KCNC4: variants seen among roughly 807,000 people sequenced by gnomAD.
KCNC4 encodes the protein potassium voltage-gated channel subfamily C member 4, also known as voltage-gated potassium channel KCNC4.
Under a neutral mutation model 42.8 loss-of-function variants are expected in KCNC4, and 23 were observed. The observed-to-expected ratio is 0.54, with a 90% CI of 0.39 to 0.76. The LOEUF is 0.76. Ranked by LOEUF, KCNC4 falls within the 30% of genes least tolerant of loss-of-function variation. KCNC4 has a pLI of 0.00. For missense variants in KCNC4, 751 were observed against 898.2 expected, an observed-to-expected ratio of 0.84 and a Z score of 2.10; for synonymous variants, 422 against 393.5, an observed-to-expected ratio of 1.07 and a Z score of -0.86.
intron 1 of KCNC4, among the ~76,000 whole-genome samples, chr1:110,266,162 G>A (rs560666229): frequency 6.6e-5 from 10 of 152,332 alleles, no homozygotes; most frequent in African/African-American, 2.4e-4. Context: ...GAAATAATGG[G>A]CAGGGAAGCA....
At chr1:110,213,894 G>A (rs1657640858) in intron 1 of KCNC4, among the ~76,000 whole-genome samples, 1 of 152,152 alleles carries the variant, frequency 6.6e-6, no homozygotes, top group South Asian at 2.1e-4. Context: ...TGGGGAAAGG[G>A]GACAAACCAG....
chr1:110,223,973 C>A lies in KCNC4; in HGVS notation c.1615+73C>A. Reference sequence around the variant, plus strand: ...AGGGAGTTTCCAAATGGACCTCAGACCTTGGGATTTGGCATGTGTTTTGTG... The same window carrying A: ...AGGGAGTTTCCAAATGGACCTCAGAACTTGGGATTTGGCATGTGTTTTGTG... On this transcript the variant is annotated intron_variant, in intron 2 of 3. Coordinates refer to ENST00000438661, the MANE Select transcript of KCNC4 (RefSeq NM_001039574.3). The surrounding 1 kb of genome is among the most constrained non-coding windows in gnomAD (Gnocchi z 7.5). 8.3e-7 allele frequency: 1 copy of A among 1,203,544 alleles called. No homozygotes were observed. Among genetic ancestry groups the A allele is most frequent in the Non-Finnish European group, 1.2e-6 (1 of 858,952 alleles). 74.6% of individuals were successfully genotyped at this position (1,203,544 alleles called of 1,614,324 possible).
rs1291151145 is a variant in KCNC4, at chr1:110,211,108, G to T, written c.-392G>T. ...GGCCCGTGTGAGCGCGAGCGCCCCG[G>T]ACCTTCGCGGTGCGCGTGGACTGTG... is the stretch of plus-strand genomic sequence containing the variant. On this transcript the variant is annotated 5_prime_UTR_variant, in exon 1 of 4. Coordinates refer to ENST00000438661, the MANE Select transcript of KCNC4 (RefSeq NM_001039574.3). This position sits in a 1 kb window ranked among gnomAD's most constrained non-coding sequence, Gnocchi z 6.5. Among the ~76,000 whole-genome samples the T allele has an allele frequency of 6.6e-6, 1 of 152,290 alleles. No individual in the cohort carries two copies. Among genetic ancestry groups the T allele is most frequent in the Non-Finnish European group, 1.5e-5 (1 of 68,054 alleles).
chr1:110,224,849 G>C (rs896422889), intron 2 of KCNC4: 2 of 152,386 alleles, frequency 1.3e-5, no homozygotes, highest in Admixed American at 6.5e-5. Context: ...ACTGGAGCCA[G>C]GAGACTAAGG....
At chr1:110,270,416 G>T (rs1394508774) in intron 1 of KCNC4, among the ~76,000 whole-genome samples, 1 of 152,204 alleles carries the variant, frequency 6.6e-6, no homozygotes, top group Non-Finnish European at 1.5e-5. Context: ...AGTTGCATCT[G>T]CCTGAAGATC....
In KCNC4 at chr1:110,210,748, C is replaced by T. The variant is rs1191577781; in HGVS notation, c.-752C>T. Among the ~76,000 whole-genome samples, 3 of 151,570 alleles carry T rather than the reference C, an allele frequency of 2.0e-5. No homozygotes were observed. Among genetic ancestry groups the T allele is most frequent in the Non-Finnish European group, 4.4e-5 (3 of 67,848 alleles). ...CCCGGTCCGGCGCAGCTCCCAGCCG[C>T]GGACGCAGGACCCGAGGCTCGCTCC... On this transcript the variant is annotated 5_prime_UTR_variant, in exon 1 of 4. Coordinates refer to ENST00000438661, the MANE Select transcript of KCNC4 (RefSeq NM_001039574.3).
intron 3 of KCNC4, 35 bp downstream of exon 3, chr1:110,226,213 C>A (rs761152942): frequency 1.3e-6 from 2 of 1,599,830 alleles, no homozygotes; most frequent in Non-Finnish European, 1.7e-6. Context: ...TGGGGAGCCC[C>A]CACAGAGCTG....
At chr1:110,217,078 A>G (rs1657837851) in intron 1 of KCNC4, among the ~76,000 whole-genome samples, 1 of 152,230 alleles carries the variant, frequency 6.6e-6, no homozygotes, top group Admixed American at 6.5e-5. Context: ...CTAGAAATCC[A>G]AAGATGAGTC....
chr1:110,223,109 T>C lies in KCNC4; in HGVS notation c.824T>C (p.Val275Ala), dbSNP rs750949690. The C allele has an allele frequency of 9.3e-6, 15 of 1,613,946 alleles. No individual in the cohort carries two copies. The highest frequency in any genetic ancestry group is 1.1e-5 in the Non-Finnish European group (13 of 1,180,002). ...ACCAGCGTGCACTTCCGGCGGGAGG[T>C]AGAGACAGAGCCCATCCTGACCTAC... The part of the protein sequence containing the change: ...NITSVHFRRE[V>A]ETEPILTYIE... Residue 275 changes from valine to alanine, a missense_variant, in exon 2 of 4, where the codon GTA becomes GCA. Val to Ala is a moderately conservative substitution (Grantham distance 64, BLOSUM62 0). Around this residue, in one of 4 missense-constraint regions of KCNC4, gnomAD observed 181 missense variants for 167.3 expected, o/e 1.08. Transcript: ENST00000438661. This position sits in a 1 kb window ranked among gnomAD's most constrained non-coding sequence, Gnocchi z 7.5.
chr1:110,241,548 C>G (rs894139532), exon 4 of KCNC4: 1 of 152,202 alleles, frequency 6.6e-6, no homozygotes, highest in Admixed American at 6.5e-5. Context: ...GGCCAGAGCT[C>G]TACAAGGAAT....
rs1657493531 is a variant in KCNC4 at position 110,212,030 on chromosome 1, C to T, written c.531C>T (p.Ala177=). The change falls in exon 1 of 4, where the codon GCC becomes GCT. Residue 177 remains alanine (A), a synonymous_variant. Transcript: ENST00000438661. ...GGSGAGPSDE[A]GDDERELALQ... ...GCGGCGCGGGGCCCAGCGACGAGGCCGGCGACGATGAGCGGGAGCTGGCCC... is the reference window on the plus strand; with the variant it reads ...GCGGCGCGGGGCCCAGCGACGAGGCTGGCGACGATGAGCGGGAGCTGGCCC... 1.3e-6 allele frequency: 2 copies of T among 1,590,612 alleles called. No individual in the cohort carries two copies. Among genetic ancestry groups the T allele is most frequent in the East Asian group, 4.5e-5 (2 of 43,986 alleles).
intron 1 of KCNC4, among the ~76,000 whole-genome samples, chr1:110,218,091 A>G (rs775852168): frequency 3.3e-5 from 5 of 151,916 alleles, no homozygotes; most frequent in African/African-American, 1.2e-4. Context: ...TTATCTGTCC[A>G]TCTGTCTCCC....
At chr1:110,252,885 A>G (rs1299216593), downstream of KCNC4, among the ~76,000 whole-genome samples, 1 of 152,138 alleles carries the variant, frequency 6.6e-6, no homozygotes, top group East Asian at 1.9e-4. Flanking sequence ...TTTTCATAGG[A>G]TAGGAGAAGA....
chr1:110,211,505 C>A lies in KCNC4; in HGVS notation c.6C>A (p.Ile2=). The change falls in exon 1 of 4, where the codon ATC becomes ATA. Residue 2 remains isoleucine, a synonymous_variant. Transcript: ENST00000438661. The surrounding 1 kb of genome is among the most constrained non-coding windows in gnomAD (Gnocchi z 6.5). ...GGAGCCCCGCAGCGCTTCTTATGAT[C>A]AGCTCGGTGTGTGTCTCCTCCTACC... M[I]SSVCVSSYRG... The A allele has an allele frequency of 2.5e-6, 4 of 1,612,958 alleles. No homozygotes were observed. The highest frequency in any genetic ancestry group is 3.4e-6 in the Non-Finnish European group (4 of 1,179,346).
At chr1:110,232,339 T>C (rs2101041856) in intron 3 of KCNC4, 1 of 1,606,536 alleles carries the variant, frequency 6.2e-7, no homozygotes. Flanking sequence ...CATGGCATCA[T>C]ACTCAGGAGC....
In KCNC4 at chr1:110,223,197, C is replaced by T. The variant is rs150337073; in HGVS notation, c.912C>T (p.Pro304=). The change falls in exon 2 of 4, where the codon CCC becomes CCT. Residue 304 remains proline (P), a synonymous_variant. Coordinates refer to ENST00000438661, the MANE Select transcript of KCNC4 (RefSeq NM_001039574.3). This position sits in a 1 kb window ranked among gnomAD's most constrained non-coding sequence, Gnocchi z 7.5. ...LEFLVRIVCC[P]DTLDFVKNLL... ...TCCTGGTGCGCATCGTGTGCTGCCC[C>T]GACACGCTGGACTTCGTCAAGAACC... The T allele has an allele frequency of 1.7e-5, 27 of 1,614,092 alleles. No individual in the cohort carries two copies. Among genetic ancestry groups the T allele is most frequent in the Admixed American group, 1.5e-4 (9 of 60,010 alleles).
At chr1:110,278,448 C>T (rs949158490) in intron 1 of KCNC4, among the ~76,000 whole-genome samples, 1 of 152,180 alleles carries the variant, frequency 6.6e-6, no homozygotes, top group Non-Finnish European at 1.5e-5. Flanking sequence ...GCTGATCAGC[C>T]CCCAATGCAC....
At chr1:110,265,030 G>A (rs1190394185) in intron 1 of KCNC4, among the ~76,000 whole-genome samples, 1 of 149,678 alleles carries the variant, frequency 6.7e-6, no homozygotes, top group African/African-American at 2.5e-5. Flanking sequence ...GCAGTGAGCC[G>A]AGATTGTGCC....
chr1:110,268,386 T>C (rs1659580276), intron 1 of KCNC4, among the ~76,000 whole-genome samples: 1 of 152,074 alleles, frequency 6.6e-6, no homozygotes, highest in Admixed American at 6.5e-5. Context: ...GGCGGGCAGA[T>C]CACGAGGTCA....
Sources: gnomAD v4.1 joint callset for allele counts (sites outside exome capture counted in the v4.1 genomes callset) on GRCh38, gnomAD v4.1.1 for gene constraint, gnomAD v4.1.1 regional missense constraint, Gnocchi (gnomAD v3.1) non-coding constraint, MANE v1.5 for transcripts, NCBI Gene and HGNC (gene_info 2026-07-23, HGNC 2026-07-21) for gene names.